KCNAB1: variants seen among roughly 807,000 people sequenced by gnomAD.
KCNAB1 encodes the protein potassium voltage-gated channel subfamily A regulatory beta subunit 1.
A neutral mutation model predicts 64.6 loss-of-function variants in KCNAB1; 35 were observed. The observed-to-expected ratio is 0.54, with a 90% CI of 0.41 to 0.72. The LOEUF (loss-of-function observed/expected upper bound fraction) is 0.72, where lower values mean the gene tolerates loss of function less well. Among genes scored for constraint, KCNAB1 ranks in the 30% least tolerant of loss-of-function variants. The probability of loss-of-function intolerance (pLI) is 0.00; values close to 1 mark genes in which losing one functional copy is unlikely to be tolerated. For missense variants in KCNAB1, 401 were observed against 512.9 expected (o/e 0.78, Z 2.11); for synonymous variants, 177 against 183.8 (o/e 0.96, Z 0.30).
chr3:156,187,028 A>AT (rs1365058661), intron 1 of KCNAB1, among the ~76,000 whole-genome samples: 3 of 151,412 alleles, frequency 2.0e-5, no homozygotes, highest in African/African-American at 7.3e-5. Context: ...ATTTCTTTTT[A>AT]TTTTTTGTAG....
intron 1 of KCNAB1, among the ~76,000 whole-genome samples, chr3:156,364,998 T>G (rs1022567980): frequency 6.6e-6 from 1 of 152,096 alleles, no homozygotes; most frequent in African/African-American, 2.4e-5. Context: ...CCGTTACTAG[T>G]GAAGATGTGG....
chr3:156,424,873 G>A (rs1295562541), intron 2 of KCNAB1, among the ~76,000 whole-genome samples: 8 of 152,196 alleles, frequency 5.3e-5, no homozygotes, highest in African/African-American at 1.9e-4. Flanking sequence ...GTTTTTTCAA[G>A]AGCCTGAACA....
At position 156,254,346 on chromosome 3, in the gene KCNAB1, G is replaced by A. The variant is rs557336528; in HGVS notation, c.275+133460G>A. 3.2e-4 allele frequency among the ~76,000 whole-genome samples: 48 copies of A among 152,264 alleles called. 1 individual carries two copies. Among genetic ancestry groups the A allele is most frequent in the African/African-American group, 1.1e-3 (45 of 41,552 alleles). On this transcript the variant is annotated intron_variant, in intron 1 of 13. Transcript: ENST00000490337. ...GTCAGGCACTGGCCACAGGAATGGG[G>A]CCATCCACTCTGTGCAGATCCCTTG...
chr3:156,296,538 G>A (rs929652456), intron 1 of KCNAB1, among the ~76,000 whole-genome samples: 1 of 138,624 alleles, frequency 7.2e-6, no homozygotes, highest in Non-Finnish European at 1.5e-5. Context: ...CAGTGGCGCC[G>A]TCTCAGCTCA....
intron 1 of KCNAB1, among the ~76,000 whole-genome samples, chr3:156,198,720 A>C (rs1290747122): frequency 1.0e-5 from 1 of 99,126 alleles, no homozygotes. Context: ...GGTCTCCTGA[A>C]TACGGCACAC....
At chr3:156,398,397 C>T (rs1323232589) in intron 1 of KCNAB1, among the ~76,000 whole-genome samples, 1 of 152,062 alleles carries the variant, frequency 6.6e-6, no homozygotes, top group Non-Finnish European at 1.5e-5. Context: ...TCGAAACCAT[C>T]CTGGCTAACA....
Position 156,514,291 on chromosome 3 carries a change from T to TAAAAGGAGTAAAAGGAGTAAAA in KCNAB1, c.659-72_659-71insAAAGGAGTAAAAGGAGTAAAAA, listed in dbSNP as rs1318047506. ...TTGCATTAAGCTTCTAAGCTTTGGC[T>TAAAAGGAGTAAAAGGAGTAAAA]AGAGGAGTAAAAATCGCATAACTTT... On this transcript the variant is annotated intron_variant, in intron 8 of 13. Coordinates refer to ENST00000490337, the MANE Select transcript of KCNAB1 (RefSeq NM_172160.3). The TAAAAGGAGTAAAAGGAGTAAAA allele has an allele frequency of 2.9e-5, 32 of 1,117,752 alleles. No homozygotes were observed. In the African/African-American group the frequency reaches 4.6e-4, roughly 16 times the overall value. 69.2% of individuals were successfully genotyped at this position (1,117,752 alleles called of 1,614,324 possible).
intron 1 of KCNAB1, among the ~76,000 whole-genome samples, chr3:156,224,018 G>A (rs1715978810): frequency 6.6e-6 from 1 of 152,250 alleles, no homozygotes; most frequent in South Asian, 2.1e-4. Flanking sequence ...TTGGTTGGGG[G>A]GGATGTGAGA....
At position 156,538,146 on chromosome 3, in the gene KCNAB1, TG is replaced by T. The variant is rs11314509; in HGVS notation, c.*1400del. The stretch of plus-strand genomic sequence containing the variant: ...CTGTAAAAAGAGAGAAAACATGTTT[TG>T]TTTTTTTTTGAAGGGGGTGGTGTGG... On this transcript the variant is annotated 3_prime_UTR_variant, in exon 14 of 14. Coordinates refer to ENST00000490337, the MANE Select transcript of KCNAB1 (RefSeq NM_172160.3). 119,323 of 148,074 alleles carry T rather than the reference TG, an allele frequency of 0.81. 47,990 individuals are homozygous for T. The highest frequency in any genetic ancestry group is 0.96 in the East Asian group (4,862 of 5,066). The allele number at this position is 148,074 out of a possible 1,614,324, so 9.2% of individuals were successfully genotyped here.
chr3:156,339,593 T>C (rs1040361659), intron 1 of KCNAB1, among the ~76,000 whole-genome samples: 16 of 152,218 alleles, frequency 1.1e-4, no homozygotes, highest in Admixed American at 9.2e-4. Flanking sequence ...CCTACTTCAA[T>C]CCATGCAAAA....
chr3:156,176,746 G>T, intron 1 of KCNAB1: 7 of 921,978 alleles, frequency 7.6e-6, no homozygotes, highest in Non-Finnish European at 1.3e-5. Context: ...GGGGCTTGAA[G>T]GGAGGAACAC....
chr3:156,153,068 C>G (rs1347202385), intron 1 of KCNAB1, among the ~76,000 whole-genome samples: 2 of 152,176 alleles, frequency 1.3e-5, no homozygotes, highest in Non-Finnish European at 2.9e-5. Flanking sequence ...AATCTGACAT[C>G]TAGTGTAGAG....
At chr3:156,396,191 T>G (rs1010117962) in intron 1 of KCNAB1, among the ~76,000 whole-genome samples, 1 of 152,190 alleles carries the variant, frequency 6.6e-6, no homozygotes, top group African/African-American at 2.4e-5. Context: ...ATCATCCTAA[T>G]GGGTTGACTG....
intron 1 of KCNAB1, among the ~76,000 whole-genome samples, chr3:156,363,189 T>C (rs1202530509): frequency 6.6e-6 from 1 of 152,240 alleles, no homozygotes; most frequent in Non-Finnish European, 1.5e-5. Context: ...ATTAGGTAAA[T>C]ACATATAATT....
intron 1 of KCNAB1, among the ~76,000 whole-genome samples, chr3:156,138,866 C>T (rs1382805412): frequency 6.6e-6 from 1 of 152,084 alleles, no homozygotes; most frequent in Admixed American, 6.5e-5. Context: ...GCCCACCACC[C>T]AGAGCTGCGT....
At chr3:156,483,132 A>G (rs1054723876) in intron 8 of KCNAB1, among the ~76,000 whole-genome samples, 1 of 152,090 alleles carries the variant, frequency 6.6e-6, no homozygotes, top group Non-Finnish European at 1.5e-5. Context: ...TATCTACCAC[A>G]TTGACCTTCT....
At chr3:156,313,141 A>C (rs1030174080) in intron 1 of KCNAB1, among the ~76,000 whole-genome samples, 38 of 152,344 alleles carry the variant, frequency 2.5e-4, no homozygotes, top group African/African-American at 8.9e-4. Flanking sequence ...ATGAAATCCA[A>C]TGAAAGAATT....
intron 1 of KCNAB1, among the ~76,000 whole-genome samples, chr3:156,171,183 T>TCA (rs1273648068): frequency 2.7e-5 from 2 of 74,966 alleles, no homozygotes; most frequent in Non-Finnish European, 5.2e-5. Context: ...GTTAGAAACT[T>TCA]CACGCACACA....
intron 2 of KCNAB1, among the ~76,000 whole-genome samples, chr3:156,430,614 C>T (rs960442719): frequency 3.9e-5 from 6 of 152,080 alleles, no homozygotes; most frequent in South Asian, 2.1e-4. Flanking sequence ...CAGGGAGAGG[C>T]GATATGTCTT....
Sources: allele counts gnomAD v4.1 joint callset (sites outside exome capture counted in the v4.1 genomes callset), GRCh38; gene constraint gnomAD v4.1.1; transcripts MANE v1.5; gene names NCBI Gene and HGNC (gene_info 2026-07-23, HGNC 2026-07-21).